Variants in CYP7B1 observed in about 807,000 individuals in gnomAD.
The protein encoded by CYP7B1 is cytochrome P450 7B1.
Under a neutral mutation model 42.7 loss-of-function variants are expected in CYP7B1, and 29 were observed. That is an observed-to-expected ratio of 0.68 (90% confidence interval 0.51 to 0.93). The LOEUF (loss-of-function observed/expected upper bound fraction) is 0.93, where lower values mean the gene tolerates loss of function less well. CYP7B1 is among the 40% of genes least tolerant of loss of function. The pLI is 0.00. For missense variants in CYP7B1, 655 were observed against 600.5 expected (o/e 1.09, Z -0.95); for synonymous variants, 235 against 218.2 (o/e 1.08, Z -0.68).
chr8:64,752,786 C>T, intron 1 of CYP7B1, among the ~76,000 whole-genome samples: 1 of 152,118 alleles, frequency 6.6e-6, no homozygotes, highest in Non-Finnish European at 1.5e-5. Flanking sequence ...ATTATAATTT[C>T]TCTTGCAATT....
At chr8:64,734,854 C>T (rs1470795508) in intron 1 of CYP7B1, among the ~76,000 whole-genome samples, 1 of 152,124 alleles carries the variant, frequency 6.6e-6, no homozygotes, top group Non-Finnish European at 1.5e-5. Context: ...CATAAGTATA[C>T]TGGTTGCCTG....
intron 1 of CYP7B1, among the ~76,000 whole-genome samples, chr8:64,699,945 T>C (rs922503305): frequency 9.9e-5 from 15 of 152,112 alleles, no homozygotes; most frequent in African/African-American, 3.6e-4. Context: ...CCCATTTTAA[T>C]TCCCAACACC....
intron 1 of CYP7B1, among the ~76,000 whole-genome samples, chr8:64,662,460 G>A (rs1356482432): frequency 6.6e-6 from 1 of 152,158 alleles, no homozygotes; most frequent in African/African-American, 2.4e-5. Context: ...CATAAGGTAA[G>A]TTTTATTCCT....
chr8:64,652,649 C>T (rs1806056789), intron 1 of CYP7B1, among the ~76,000 whole-genome samples: 1 of 152,092 alleles, frequency 6.6e-6, no homozygotes, highest in Non-Finnish European at 1.5e-5. Context: ...TAGAGACCAT[C>T]CTGGCTAACA....
intron 1 of CYP7B1, among the ~76,000 whole-genome samples, chr8:64,636,186 T>C (rs1289164354): frequency 6.6e-6 from 1 of 152,186 alleles, no homozygotes; most frequent in Non-Finnish European, 1.5e-5. Context: ...TCCTTTCTCA[T>C]GTGCATGACT....
At chr8:64,726,448 A>T (rs1807325968) in intron 1 of CYP7B1, among the ~76,000 whole-genome samples, 1 of 152,216 alleles carries the variant, frequency 6.6e-6, no homozygotes, top group African/African-American at 2.4e-5. Context: ...TCTCACAGGG[A>T]AACTAACCAG....
rs1805118530 is a variant in CYP7B1 at position 64,596,507 on chromosome 8, GAT to G, written c.*133_*134del. 2 of 887,308 alleles carry G rather than the reference GAT, an allele frequency of 2.3e-6. No individual in the cohort carries two copies. Among genetic ancestry groups the G allele is most frequent in the Admixed American group, 5.3e-5 (2 of 37,496 alleles). 55.0% of individuals were successfully genotyped at this position (887,308 alleles called of 1,614,324 possible). A position where few individuals can be genotyped will look rare whatever the true frequency, so the allele number is the denominator to read the frequency against. ...TTTGTGACTAAGGACAAACTGGACT[GAT>G]ATCAGATCAAATAGAAATTAGCGCT... On this transcript the variant is annotated 3_prime_UTR_variant, in exon 6 of 6. Transcript: ENST00000310193.
intron 1 of CYP7B1, among the ~76,000 whole-genome samples, chr8:64,786,307 C>T (rs144282150): frequency 0.015 from 2,287 of 152,224 alleles, 66 homozygotes; most frequent in African/African-American, 0.05. Flanking sequence ...TCCCTTCTGC[C>T]TATGAGCCTG....
intron 1 of CYP7B1, among the ~76,000 whole-genome samples, chr8:64,698,448 C>T (rs1055107141): frequency 3.9e-5 from 6 of 152,134 alleles, no homozygotes; most frequent in Non-Finnish European, 5.9e-5. Context: ...ATTCACCACG[C>T]GACCCTGCCA....
intron 5 of CYP7B1, among the ~76,000 whole-genome samples, chr8:64,599,021 C>T (rs1487541540): frequency 1.3e-5 from 2 of 152,082 alleles, no homozygotes; most frequent in East Asian, 1.9e-4. Context: ...GTGTCAGCTG[C>T]TAGGGGTACA....
At chr8:64,788,223 T>C (rs868532830) in intron 1 of CYP7B1, among the ~76,000 whole-genome samples, 4 of 152,220 alleles carry the variant, frequency 2.6e-5, no homozygotes, top group Admixed American at 6.5e-5. Flanking sequence ...TTGTAATAGA[T>C]GGACCACACT....
intron 1 of CYP7B1, among the ~76,000 whole-genome samples, chr8:64,737,337 G>C (rs1807505190): frequency 6.6e-6 from 1 of 151,978 alleles, no homozygotes; most frequent in Non-Finnish European, 1.5e-5. Context: ...TCTTTTTAAT[G>C]AAAAAAGAGA....
intron 1 of CYP7B1, among the ~76,000 whole-genome samples, chr8:64,658,517 G>A: frequency 6.6e-6 from 1 of 151,804 alleles, no homozygotes; most frequent in Non-Finnish European, 1.5e-5. Flanking sequence ...TTTTTTCCAG[G>A]CTTTAGTGAC....
At chr8:64,751,746 C>T (rs1199102772) in intron 1 of CYP7B1, among the ~76,000 whole-genome samples, 1 of 152,076 alleles carries the variant, frequency 6.6e-6, no homozygotes, top group Non-Finnish European at 1.5e-5. Context: ...GTCTGAATAG[C>T]CTTTTCTTTT....
At chr8:64,680,512 A>G (rs1806520145) in intron 1 of CYP7B1, among the ~76,000 whole-genome samples, 1 of 151,890 alleles carries the variant, frequency 6.6e-6, no homozygotes, top group Non-Finnish European at 1.5e-5. Flanking sequence ...GTCCTGTGGC[A>G]CTGAGGCATT....
chr8:64,759,817 T>G (rs1023158549), intron 1 of CYP7B1, among the ~76,000 whole-genome samples: 3 of 152,192 alleles, frequency 2.0e-5, no homozygotes, highest in African/African-American at 7.2e-5. Context: ...TCCAAATTTA[T>G]TTTAAAATAT....
chr8:64,712,898 T>C (rs989257606), intron 1 of CYP7B1, among the ~76,000 whole-genome samples: 3 of 152,080 alleles, frequency 2.0e-5, no homozygotes, highest in Non-Finnish European at 4.4e-5. Context: ...TATCCATATA[T>C]ACACATGGTA....
At chr8:64,695,603 CTT>C (rs35575527) in intron 1 of CYP7B1, among the ~76,000 whole-genome samples, 29,429 of 98,910 alleles carry the variant, frequency 0.3, 4,875 homozygotes, top group Non-Finnish European at 0.37. Context: ...TATCAAATTC[CTT>C]TTTTTTTTTT....
intron 1 of CYP7B1, among the ~76,000 whole-genome samples, chr8:64,758,533 T>C (rs1807841961): frequency 6.6e-6 from 1 of 151,852 alleles, no homozygotes. Flanking sequence ...TATTTAATAT[T>C]ATTTAAATTT....
Sources: gnomAD v4.1 joint callset for allele counts (sites outside exome capture counted in the v4.1 genomes callset) on GRCh38, gnomAD v4.1.1 for gene constraint, MANE v1.5 for transcripts, NCBI Gene and HGNC (gene_info 2026-07-23, HGNC 2026-07-21) for gene names.